LGR4: variants seen among roughly 807,000 people sequenced by gnomAD.
LGR4 encodes leucine-rich repeat-containing G protein-coupled receptor 4.
LGR4 carries 44 observed loss-of-function variants against 84.8 expected under a neutral mutation model. That is an observed-to-expected ratio of 0.52 (90% CI 0.41 to 0.67). The LOEUF is 0.67. LGR4 is among the 30% of genes least tolerant of loss of function. LGR4 has a pLI of 0.00. For synonymous variants in LGR4, 429 were observed against 434.3 expected, an observed-to-expected ratio of 0.99 and a Z score of 0.15; for missense variants, 1,032 against 1,131.4, an observed-to-expected ratio of 0.91 and a Z score of 1.26.
intron 1 of LGR4, among the ~76,000 whole-genome samples, chr11:27,460,264 A>G (rs897532459): frequency 6.6e-6 from 1 of 152,098 alleles, no homozygotes; most frequent in Non-Finnish European, 1.5e-5. Context: ...GGCTAATACT[A>G]TATGCAACGG....
Position 27,367,780 on chromosome 11 carries a change from G to A in LGR4, c.*87C>T. On this transcript the variant is annotated 3_prime_UTR_variant, in exon 18 of 18. Coordinates refer to ENST00000379214, the MANE Select transcript of LGR4 (RefSeq NM_018490.5). ...GTGACACCAGGCAGTGATTACAGAA[G>A]TGCTTCCCAGATGAAAGATGAGAAT... is the stretch of plus-strand genomic sequence containing the variant. 1 of 967,612 alleles carries A rather than the reference G, an allele frequency of 1.0e-6. No individual in the cohort carries two copies. The highest frequency in any genetic ancestry group is 1.5e-6 in the Non-Finnish European group (1 of 648,218). The allele number at this position is 967,612 out of a possible 1,614,324, so 59.9% of individuals were successfully genotyped here. A position where few individuals can be genotyped will look rare whatever the true frequency, so the allele number is the denominator to read the frequency against.
intron 1 of LGR4, among the ~76,000 whole-genome samples, chr11:27,460,761 A>G (rs1234189920): frequency 3.9e-5 from 6 of 152,154 alleles, no homozygotes; most frequent in Non-Finnish European, 1.5e-5. Flanking sequence ...GAAATATTCC[A>G]TATGTTTTCT....
intron 1 of LGR4, among the ~76,000 whole-genome samples, chr11:27,431,187 G>A (rs1356415679): frequency 6.6e-6 from 1 of 152,106 alleles, no homozygotes; most frequent in Non-Finnish European, 1.5e-5. Context: ...ACCACTGAGC[G>A]AGGGGTTCTC....
chr11:27,386,162 A>T (rs993622117), intron 4 of LGR4, among the ~76,000 whole-genome samples: 5 of 152,224 alleles, frequency 3.3e-5, no homozygotes, highest in Non-Finnish European at 7.3e-5. Context: ...AATCAATGTT[A>T]CTGTGGCTTT....
rs766724360 is a variant in LGR4, at chr11:27,368,302, C to A, written c.2421G>T (p.Lys807Asn). 1 of 1,614,110 alleles carries A rather than the reference C, an allele frequency of 6.2e-7. No homozygotes were observed. Among genetic ancestry groups the A allele is most frequent in the Non-Finnish European group, 8.5e-7 (1 of 1,180,018 alleles). The change falls in exon 18 of 18, where the codon AAG (lysine) becomes AAT (asparagine). Residue 807 changes from lysine to asparagine, a missense_variant. Physicochemically the swap from Lys to Asn is moderately conservative, Grantham distance 94. Transcript: ENST00000379214. The part of the protein sequence containing the change: ...NPVLYVFFNP[K>N]FKEDWKLLKR... ...TCAGTAACTTCCAGTCTTCTTTAAACTTTGGGTTGAAGAAAACATACAGGA... is the reference window on the plus strand; with the variant it reads ...TCAGTAACTTCCAGTCTTCTTTAAAATTTGGGTTGAAGAAAACATACAGGA...
intron 1 of LGR4, among the ~76,000 whole-genome samples, chr11:27,429,050 TG>T (rs1404272685): frequency 6.6e-6 from 1 of 151,712 alleles, no homozygotes; most frequent in African/African-American, 2.4e-5. Context: ...TGAGAAGAAA[TG>T]CCAAAGAGGA....
At chr11:27,435,498 T>C (rs1864192142) in intron 1 of LGR4, among the ~76,000 whole-genome samples, 2 of 151,978 alleles carry the variant, frequency 1.3e-5, no homozygotes, top group African/African-American at 4.8e-5. Context: ...GCTACTTTTT[T>C]TTTTTTTGAG....
At chr11:27,438,882 AC>A (rs1269964285) in intron 1 of LGR4, among the ~76,000 whole-genome samples, 1 of 152,030 alleles carries the variant, frequency 6.6e-6, no homozygotes, top group Non-Finnish European at 1.5e-5. Context: ...CTGGAACTAT[AC>A]CTCCAATAAC....
chr11:27,369,739 C>T (rs183867546), intron 17 of LGR4, among the ~76,000 whole-genome samples: 2 of 152,046 alleles, frequency 1.3e-5, no homozygotes. Flanking sequence ...ACTTTATAAT[C>T]ATGTATGTAT....
rs1247868146 is a variant in LGR4, at chr11:27,367,186, T to G, written c.*681A>C. 1 of 152,220 alleles carries G rather than the reference T, an allele frequency of 6.6e-6. No homozygotes were observed. The highest frequency in any genetic ancestry group is 2.4e-5 in the African/African-American group (1 of 41,462). 9.4% of individuals were successfully genotyped at this position (152,220 alleles called of 1,614,324 possible). On this transcript the variant is annotated 3_prime_UTR_variant, in exon 18 of 18. Coordinates refer to ENST00000379214, the MANE Select transcript of LGR4 (RefSeq NM_018490.5). ...AAACACTTAAGAAAAAATTACTGAT[T>G]GGACCAAAGCAATGTATAATGACTG...
intron 7 of LGR4, 121 bp downstream of exon 7, chr11:27,382,067 T>C (rs1863105883): frequency 1.5e-6 from 1 of 667,746 alleles, no homozygotes; most frequent in African/African-American, 1.8e-5. Flanking sequence ...TATTTGTGTG[T>C]TTGTGTGCAT....
intron 2 of LGR4, among the ~76,000 whole-genome samples, chr11:27,395,774 G>A (rs1470637098): frequency 1.3e-5 from 2 of 152,186 alleles, no homozygotes; most frequent in Non-Finnish European, 2.9e-5. Context: ...CTGTGTTAAT[G>A]AGTAACAAGC....
intron 2 of LGR4, among the ~76,000 whole-genome samples, chr11:27,402,660 A>G (rs1863526086): frequency 6.6e-6 from 1 of 152,188 alleles, no homozygotes; most frequent in African/African-American, 2.4e-5. Flanking sequence ...CCCAGCTCAA[A>G]GGTCCTGTTT....
intron 1 of LGR4, among the ~76,000 whole-genome samples, chr11:27,420,785 C>T (rs7107146): frequency 0.1 from 15,708 of 151,794 alleles, 1,184 homozygotes; most frequent in African/African-American, 0.21. Flanking sequence ...AGGTGGAGGG[C>T]GCCTTCTTGT....
chr11:27,415,872 G>C (rs1168003138), intron 1 of LGR4, among the ~76,000 whole-genome samples: 1 of 152,024 alleles, frequency 6.6e-6, no homozygotes, highest in African/African-American at 2.4e-5. Flanking sequence ...AGTCTTAAGA[G>C]TAGATTCTAG....
chr11:27,391,744 C>G (rs1960880924), intron 3 of LGR4, among the ~76,000 whole-genome samples: 1 of 152,060 alleles, frequency 6.6e-6, no homozygotes, highest in African/African-American at 2.4e-5. Context: ...TGCATAGATC[C>G]ATACTGAAAA....
intron 2 of LGR4, among the ~76,000 whole-genome samples, chr11:27,398,569 G>A (rs1040885491): frequency 2.0e-5 from 3 of 152,170 alleles, no homozygotes; most frequent in African/African-American, 7.2e-5. Context: ...GGATTCAGTG[G>A]CTTTCAGCAG....
chr11:27,463,519 C>T (rs1864722411), intron 1 of LGR4, among the ~76,000 whole-genome samples: 1 of 152,174 alleles, frequency 6.6e-6, no homozygotes, highest in Non-Finnish European at 1.5e-5. Flanking sequence ...GGCGTGGTGG[C>T]TCACACCTGT....
In LGR4 at chr11:27,368,324, A is replaced by G; in HGVS notation, c.2399T>C (p.Leu800Pro). 6.2e-7 allele frequency: 1 copy of G among 1,614,218 alleles called. No individual in the cohort carries two copies. The highest frequency in any genetic ancestry group is 8.5e-7 in the Non-Finnish European group (1 of 1,180,040). Residue 800 changes from leucine (L) to proline (P), a missense_variant, in exon 18 of 18, where the codon CTG becomes CCG. By Grantham distance (98) the Leu-to-Pro change is moderately conservative. Transcript: ENST00000379214. ...AAACTTTGGGTTGAAGAAAACATAC[A>G]GGACTGGATTCAGGCAAGCAGGCAA... The part of the protein sequence containing the change: ...FPLPACLNPV[L>P]YVFFNPKFKE...
Sources: allele counts gnomAD v4.1 joint callset (sites outside exome capture counted in the v4.1 genomes callset), GRCh38; gene constraint gnomAD v4.1.1; transcripts MANE v1.5; gene names NCBI Gene and HGNC (gene_info 2026-07-23, HGNC 2026-07-21).